ANKRD11: variants seen among roughly 807,000 people sequenced by gnomAD.
ANKRD11 encodes ankyrin repeat domain-containing protein 11.
A neutral mutation model predicts 195.7 loss-of-function variants in ANKRD11; 17 were observed. The observed-to-expected ratio is 0.09, with a 90% CI of 0.06 to 0.13. The LOEUF is 0.13. ANKRD11 is among the 10% of genes least tolerant of loss of function. ANKRD11 has a pLI of 1.00. For synonymous variants in ANKRD11, 1,953 were observed against 1,528.1 expected (o/e 1.28, Z -6.49); for missense variants, 3,735 against 3,566.1 (o/e 1.05, Z -1.21).
intron 9 of ANKRD11, chr16:89,278,554 G>A (rs2033859609): frequency 6.6e-6 from 3 of 456,910 alleles, no homozygotes; most frequent in South Asian, 1.5e-5. Context: ...AGGTGAGGCT[G>A]GGGGCCGAGG....
At chr16:89,337,433 T>TC (rs2038425333) in intron 2 of ANKRD11, among the ~76,000 whole-genome samples, 1 of 104,138 alleles carries the variant, frequency 9.6e-6, no homozygotes, top group Non-Finnish European at 2.0e-5. Context: ...GCAATTCTTT[T>TC]TTTTTTTTTT....
At chr16:89,274,777 C>T (rs2033497316) in intron 11 of ANKRD11, 37 bp downstream of exon 11, 1 of 1,604,704 alleles carries the variant, frequency 6.2e-7, no homozygotes, top group African/African-American at 1.3e-5. Flanking sequence ...GGTGCAGGCA[C>T]TTGGACTCAT....
chr16:89,386,281 T>C (rs2040906470), intron 2 of ANKRD11, among the ~76,000 whole-genome samples: 1 of 152,242 alleles, frequency 6.6e-6, no homozygotes, highest in African/African-American at 2.4e-5. Context: ...GTCACTTTTT[T>C]TTTTTAAAGC....
intron 1 of ANKRD11, among the ~76,000 whole-genome samples, chr16:89,466,001 C>T (rs1271742235): frequency 2.0e-5 from 3 of 152,136 alleles, no homozygotes; most frequent in Admixed American, 6.5e-5. Context: ...TGAGCCACCG[C>T]GCCTGGCCAC....
chr16:89,448,444 G>GA (rs2152310197), intron 1 of ANKRD11, among the ~76,000 whole-genome samples: 1 of 152,244 alleles, frequency 6.6e-6, no homozygotes, highest in Non-Finnish European at 1.5e-5. Context: ...CAAATCACAC[G>GA]AAAGTACTCA....
At position 89,275,936 on chromosome 16, in the gene ANKRD11, A is replaced by G. The variant is rs547891961; in HGVS notation, c.7471-745T>C. Reference sequence around the variant, plus strand: ...AGCCCCGCAGTGCAGCAGAGACCTCAGGCCCACAGGGAGTCAGGTTTCCAA... The same window carrying G: ...AGCCCCGCAGTGCAGCAGAGACCTCGGGCCCACAGGGAGTCAGGTTTCCAA... On this transcript the variant is annotated intron_variant, in intron 9 of 12. Coordinates refer to ENST00000301030, the MANE Select transcript of ANKRD11 (RefSeq NM_013275.6). 5.9e-5 allele frequency among the ~76,000 whole-genome samples: 9 copies of G among 152,338 alleles called. No individual in the cohort carries two copies. The East Asian group carries it at 1.5e-3, about 26-fold the overall frequency.
At chr16:89,441,593 C>T (rs1362244124) in intron 1 of ANKRD11, among the ~76,000 whole-genome samples, 4 of 151,782 alleles carry the variant, frequency 2.6e-5, no homozygotes, top group Non-Finnish European at 5.9e-5. Flanking sequence ...TGGTAAAACC[C>T]CACCTCTACT....
intron 1 of ANKRD11, among the ~76,000 whole-genome samples, chr16:89,425,453 T>C (rs2042678636): frequency 6.6e-6 from 1 of 152,160 alleles, no homozygotes; most frequent in South Asian, 2.1e-4. Flanking sequence ...TCCAGCCTCA[T>C]CTCATTTTAG....
chr16:89,325,463 TCTCTCTCACA>T (rs1567649790), intron 2 of ANKRD11, among the ~76,000 whole-genome samples: 105 of 139,396 alleles, frequency 7.5e-4, no homozygotes, highest in African/African-American at 2.9e-3. Context: ...TCTCTCTCTC[TCTCTCTCACA>T]CACACACACA....
chr16:89,355,543 G>C (rs1323821053), intron 2 of ANKRD11, among the ~76,000 whole-genome samples: 1 of 152,122 alleles, frequency 6.6e-6, no homozygotes, highest in Admixed American at 6.6e-5. Flanking sequence ...TGCTCTGAAC[G>C]CTCTCTCTTC....
intron 1 of ANKRD11, among the ~76,000 whole-genome samples, chr16:89,463,575 T>C (rs1042308026): frequency 2.0e-5 from 3 of 152,100 alleles, no homozygotes; most frequent in African/African-American, 4.8e-5. Flanking sequence ...CCAGAGACCT[T>C]TGTTCACTTG....
At position 89,279,967 on chromosome 16, in the gene ANKRD11, G is replaced by T; in HGVS notation, c.6575C>A (p.Pro2192His). Residue 2192 changes from proline (P) to histidine (H), a missense_variant, in exon 9 of 13, where the codon CCT (proline) becomes CAT (histidine). Pro to His is a moderately conservative substitution (Grantham distance 77). Transcript: ENST00000301030. The surrounding 1 kb of genome is among the most constrained non-coding windows in gnomAD (Gnocchi z 5.6). ...VVAEEPPALPPDQASTRLPAE... is the reference protein window; with the variant it reads ...VVAEEPPALPHDQASTRLPAE... ...AGGGAGCCGGGTGGAGGCCTGGTCA[G>T]GAGGCAGTGCCGGCGGCTCCTCAGC... 1 of 1,610,732 alleles carries T rather than the reference G, an allele frequency of 6.2e-7. No homozygotes were observed. The highest frequency in any genetic ancestry group is 8.5e-7 in the Non-Finnish European group (1 of 1,179,924).
rs376030369 is a variant in ANKRD11, at chr16:89,284,286, A to G, written c.2256T>C (p.Ser752=). Residue 752 remains serine (S), a synonymous_variant, in exon 9 of 13, where the codon TCT becomes TCC. Coordinates refer to ENST00000301030, the MANE Select transcript of ANKRD11 (RefSeq NM_013275.6). ...AEKERSLKEK[S]PKEEKLRLYK... ...ACAGTCTCAGTTTTTCTTCTTTCGG[A>G]GACTTTTCCTTCAGCGATCTCTCCT... 3.0e-5 allele frequency: 48 copies of G among 1,613,056 alleles called. No homozygotes were observed. The highest frequency in any genetic ancestry group is 4.0e-5 in the Non-Finnish European group (47 of 1,179,880).
In ANKRD11 at chr16:89,315,033, G is replaced by T. The variant is rs74033771; in HGVS notation, c.87+1900C>A. 8.5e-3 allele frequency among the ~76,000 whole-genome samples: 1,295 copies of T among 152,196 alleles called. 25 individuals carry two copies. The highest frequency in any genetic ancestry group is 0.03 in the African/African-American group (1,235 of 41,498). On this transcript the variant is annotated intron_variant, in intron 3 of 12. Transcript: ENST00000301030. ...TTTCACAGACGTTCTGAGGTCCTGGGACCCCCACCCACATCACCCGTGTGA... is the reference window on the plus strand; with the variant it reads ...TTTCACAGACGTTCTGAGGTCCTGGTACCCCCACCCACATCACCCGTGTGA...
intron 1 of ANKRD11, chr16:89,489,327 G>A (rs1056676621): frequency 6.6e-6 from 1 of 152,170 alleles, no homozygotes; most frequent in Non-Finnish European, 1.5e-5. Flanking sequence ...TTCAGGCAAC[G>A]TCTCACATTG....
rs753598147 is a variant in ANKRD11 at position 89,281,617 on chromosome 16, G to A, written c.4925C>T (p.Pro1642Leu). The A allele has an allele frequency of 6.2e-6, 10 of 1,614,164 alleles. No homozygotes were observed. Among genetic ancestry groups the A allele is most frequent in the East Asian group, 4.5e-5 (2 of 44,876 alleles). The change falls in exon 9 of 13, where the codon CCG becomes CTG. Residue 1642 changes from proline (P) to leucine (L), a missense_variant. Coordinates refer to ENST00000301030, the MANE Select transcript of ANKRD11 (RefSeq NM_013275.6). The surrounding 1 kb of genome is among the most constrained non-coding windows in gnomAD (Gnocchi z 5.5). ...TTTAAATGGAGGGTCCAGCCCCGGC[G>A]GTTTCTTAGCAGGAATGTCCAGACC... is the stretch of plus-strand genomic sequence containing the variant. ...KKGLDIPAKK[P>L]PGLDPPFKDK... is the part of the protein sequence containing the mutation.
At chr16:89,426,953 T>C (rs575771296) in intron 1 of ANKRD11, among the ~76,000 whole-genome samples, 85 of 152,208 alleles carry the variant, frequency 5.6e-4, no homozygotes, top group Non-Finnish European at 1.1e-3. Context: ...TCAGGACACC[T>C]GTTACCAGCC....
At chr16:89,329,001 G>A (rs1198497276) in intron 2 of ANKRD11, 3 of 142,070 alleles carry the variant, frequency 2.1e-5, no homozygotes, top group Non-Finnish European at 3.0e-5. Context: ...ATACCCAGGC[G>A]CACGGGCGAA....
Position 89,448,290 on chromosome 16 carries a change from A to C in ANKRD11, c.-144-29922T>G, listed in dbSNP as rs573644615. Among the ~76,000 whole-genome samples the C allele has an allele frequency of 1.2e-4, 18 of 152,304 alleles. 1 individual carries two copies. Among genetic ancestry groups the C allele is most frequent in the African/African-American group, 4.1e-4 (17 of 41,564 alleles). On this transcript the variant is annotated intron_variant, in intron 1 of 12. Transcript: ENST00000301030. Reference sequence around the variant, plus strand: ...TGTGCAAATTATTTCCATGTAATATAAAAAGAAAAAGTCTCAACTGTAAAA... The same window carrying C: ...TGTGCAAATTATTTCCATGTAATATCAAAAGAAAAAGTCTCAACTGTAAAA...
Sources: allele counts gnomAD v4.1 joint callset (sites outside exome capture counted in the v4.1 genomes callset), GRCh38; gene constraint gnomAD v4.1.1; non-coding constraint Gnocchi (gnomAD v3.1); transcripts MANE v1.5; gene names NCBI Gene and HGNC (gene_info 2026-07-23, HGNC 2026-07-21).